ACLY: variants seen among roughly 807,000 people sequenced by gnomAD.
ACLY encodes the protein ATP-citrate synthase.
ACLY carries 41 observed loss-of-function variants against 133.0 expected under a neutral mutation model. The ratio of observed to expected loss-of-function variants is 0.31; its 90% CI spans 0.24 to 0.40. The LOEUF is 0.40. Ranked by LOEUF, ACLY falls within the 10% of genes least tolerant of loss-of-function variation. ACLY has a pLI of 1.00. For missense variants in ACLY, 1,046 were observed against 1,453.8 expected (o/e 0.72, Z 4.56); for synonymous variants, 495 against 549.3 (o/e 0.90, Z 1.38).
At chr17:41,878,024 G>T in intron 22 of ACLY, 79 bp downstream of exon 22, 2 of 999,712 alleles carry the variant, frequency 2.0e-6, no homozygotes, top group Non-Finnish European at 1.4e-6. Flanking sequence ...AGAGTTCAAG[G>T]CAAATCAACG....
chr17:41,889,587 T>C (rs1234638570), intron 16 of ACLY, among the ~76,000 whole-genome samples: 5 of 146,718 alleles, frequency 3.4e-5, no homozygotes, highest in African/African-American at 1.3e-4. Context: ...AATGTATTTT[T>C]TCACTTCCTC....
upstream of ACLY, among the ~76,000 whole-genome samples, chr17:41,920,935 G>A (rs1256094272): frequency 1.3e-5 from 2 of 151,936 alleles, no homozygotes; most frequent in Non-Finnish European, 2.9e-5. Context: ...GGTGGCAGGT[G>A]CCTGTAATCC....
Position 41,867,828 on chromosome 17 carries a change from C to T in ACLY, c.3288G>A (p.Pro1096=), listed in dbSNP as rs782385095. 72 of 1,610,460 alleles carry T rather than the reference C, an allele frequency of 4.5e-5. No individual in the cohort carries two copies. Among genetic ancestry groups the T allele is most frequent in the South Asian group, 3.4e-4 (31 of 90,624 alleles). ...HPWDDISYVL[P]EHMSM Reference sequence around the variant, plus strand: ...GGCTCTGTTACATGCTCATGTGTTCCGGAAGAACATATGAAATATCATCCC... The same window carrying T: ...GGCTCTGTTACATGCTCATGTGTTCTGGAAGAACATATGAAATATCATCCC... Residue 1096 remains proline (P), a synonymous_variant, in exon 29 of 29, where the codon CCG becomes CCA. Coordinates refer to ENST00000352035, the MANE Select transcript of ACLY (RefSeq NM_001096.3).
chr17:41,872,788 A>C (rs1333887785), intron 23 of ACLY, among the ~76,000 whole-genome samples: 1 of 152,164 alleles, frequency 6.6e-6, no homozygotes, highest in Middle Eastern at 3.2e-3. Flanking sequence ...GTCCCTTCAC[A>C]GTGTAGGAGG....
chr17:41,869,604 C>T lies in ACLY; in HGVS notation c.2938-17G>A, dbSNP rs141387065. ...GTTGTTTATCTAGAAATGAACCCAA[C>T]GGTACAGAGGAACACTCACACACTG... On this transcript the variant is annotated splice_polypyrimidine_tract_variant and intron_variant, in intron 25 of 28. Transcript: ENST00000352035. The T allele has an allele frequency of 4.0e-5, 63 of 1,593,440 alleles. No homozygotes were observed. The highest frequency in any genetic ancestry group is 3.2e-4 in the African/African-American group (24 of 74,426).
chr17:41,921,922 A>G (rs2050187974), upstream of ACLY, among the ~76,000 whole-genome samples: 1 of 152,164 alleles, frequency 6.6e-6, no homozygotes, highest in African/African-American at 2.4e-5. Flanking sequence ...CTGGGTGGGC[A>G]CGGTGGCTCG....
intron 3 of ACLY, 30 bp from the exon 4 acceptor site, chr17:41,910,314 A>G: frequency 6.2e-7 from 1 of 1,603,854 alleles, no homozygotes; most frequent in Admixed American, 1.7e-5. Flanking sequence ...GATGAAACTC[A>G]GAGGGACAGC....
chr17:41,913,960 A>T (rs2049979887), intron 1 of ACLY, 64 bp from the exon 2 acceptor site: 4 of 1,506,662 alleles, frequency 2.7e-6, no homozygotes, highest in Non-Finnish European at 3.6e-6. Context: ...CTTCCCCAGC[A>T]GGGCAGACCC....
upstream of ACLY, chr17:41,919,156 G>A: frequency 3.0e-6 from 3 of 1,015,110 alleles, no homozygotes; most frequent in Non-Finnish European, 3.8e-6. Context: ...AGTCCCGCTG[G>A]CCCATCCACC....
At chr17:41,889,719 C>T (rs1257680302) in intron 16 of ACLY, among the ~76,000 whole-genome samples, 9 of 149,102 alleles carry the variant, frequency 6.0e-5, no homozygotes. Flanking sequence ...GATGGAGTCT[C>T]TCGTCGCCCA....
At chr17:41,909,150 C>G (rs2049816343) in intron 5 of ACLY, 82 bp from the exon 6 acceptor site, 6 of 1,055,636 alleles carry the variant, frequency 5.7e-6, no homozygotes, top group Non-Finnish European at 8.7e-6. Flanking sequence ...AGCAATCTCT[C>G]ACTGCCACCG....
At chr17:41,887,815 A>G in intron 16 of ACLY, 112 bp from the exon 17 acceptor site, 1 of 856,268 alleles carries the variant, frequency 1.2e-6, no homozygotes, top group South Asian at 1.4e-5. Flanking sequence ...CCAGGGTCCA[A>G]GAACAAAGTA....
intron 14 of ACLY, among the ~76,000 whole-genome samples, chr17:41,893,662 G>A (rs2144316469): frequency 6.6e-6 from 1 of 152,312 alleles, no homozygotes; most frequent in African/African-American, 2.4e-5. Flanking sequence ...CTCCAGTCAG[G>A]GTTTGAATCA....
intron 3 of ACLY, among the ~76,000 whole-genome samples, chr17:41,910,827 C>T (rs556959010): frequency 1.1e-4 from 16 of 152,278 alleles, no homozygotes; most frequent in African/African-American, 3.4e-4. Flanking sequence ...GCGGCTGTGG[C>T]GAGACAGCCC....
chr17:41,883,571 CTTTTTTTTTGCTTT>C (rs1180720460), intron 19 of ACLY, among the ~76,000 whole-genome samples: 10 of 132,646 alleles, frequency 7.5e-5, no homozygotes, highest in African/African-American at 2.8e-4. Flanking sequence ...TTAAAAAGCG[CTTTTTTTTTGCTTT>C]TTTTTTTTTT....
At chr17:41,905,371 A>G in intron 9 of ACLY, 151 bp downstream of exon 9, 1 of 1,054,668 alleles carries the variant, frequency 9.5e-7, no homozygotes, top group Non-Finnish European at 1.4e-6. Flanking sequence ...GTGCAGTCAG[A>G]GAAACTGAGA....
chr17:41,896,480 A>G (rs987613594), intron 14 of ACLY, 140 bp downstream of exon 14: 12 of 706,920 alleles, frequency 1.7e-5, no homozygotes, highest in Non-Finnish European at 2.8e-5. Context: ...ACTTGGGGTC[A>G]GGCCACATCA....
chr17:41,880,113 G>C (rs548621445), intron 20 of ACLY, among the ~76,000 whole-genome samples: 11 of 152,316 alleles, frequency 7.2e-5, no homozygotes, highest in African/African-American at 2.6e-4. Context: ...GGGGTGCAGA[G>C]AGTAATCATA....
At chr17:41,868,018 G>C (rs1239464633) in intron 28 of ACLY, 114 bp from the exon 29 acceptor site, 2 of 671,058 alleles carry the variant, frequency 3.0e-6, no homozygotes, top group Admixed American at 5.6e-5. Flanking sequence ...CAAAGCAGTG[G>C]GAAGTTTAGT....
Sources: allele counts gnomAD v4.1 joint callset (sites outside exome capture counted in the v4.1 genomes callset), GRCh38; gene constraint gnomAD v4.1.1; transcripts MANE v1.5; gene names NCBI Gene and HGNC (gene_info 2026-07-23, HGNC 2026-07-21).